PDE1C: variants seen among roughly 807,000 people sequenced by gnomAD.
PDE1C encodes dual specificity calcium/calmodulin-dependent 3',5'-cyclic nucleotide phosphodiesterase 1C.
PDE1C carries 62 observed loss-of-function variants against 93.1 expected under a neutral mutation model. The observed-to-expected ratio is 0.67, with a 90% CI of 0.54 to 0.82. The LOEUF (loss-of-function observed/expected upper bound fraction) is 0.82, where lower values mean the gene tolerates loss of function less well. PDE1C is among the 40% of genes least tolerant of loss of function. PDE1C has a pLI of 0.00. For missense variants in PDE1C, 742 were observed against 884.6 expected (o/e 0.84, Z 2.04); for synonymous variants, 325 against 310.1 (o/e 1.05, Z -0.50).
At chr7:31,920,064 C>A (rs572070911) in intron 2 of PDE1C, among the ~76,000 whole-genome samples, 11 of 152,268 alleles carry the variant, frequency 7.2e-5, no homozygotes, top group Non-Finnish European at 1.5e-4. Context: ...TGGAATCTGC[C>A]TGAAAAGCCC....
At chr7:32,387,662 G>A (rs1784660867) in intron 1 of PDE1C, among the ~76,000 whole-genome samples, 1 of 149,292 alleles carries the variant, frequency 6.7e-6, no homozygotes, top group African/African-American at 2.5e-5. Context: ...GGACGGGGCG[G>A]CTGGCCGGGC....
chr7:32,204,792 A>G (rs540501273), intron 2 of PDE1C, among the ~76,000 whole-genome samples: 93 of 152,280 alleles, frequency 6.1e-4, no homozygotes, highest in African/African-American at 2.2e-3. Context: ...ATTCACCTCC[A>G]CACCAGGCTG....
chr7:32,081,115 T>C (rs1796639182), intron 3 of PDE1C, among the ~76,000 whole-genome samples: 1 of 152,244 alleles, frequency 6.6e-6, no homozygotes. Context: ...AGGTGGACTC[T>C]CACACGTAGA....
At chr7:31,618,290 AAAGT>A in the PDE1C span, among the ~76,000 whole-genome samples, 1 of 152,166 alleles carries the variant, frequency 6.6e-6, no homozygotes, top group African/African-American at 2.4e-5. Flanking sequence ...TACCCCATAA[AAAGT>A]AATTAGGACT....
chr7:31,660,371 T>A, the PDE1C span, among the ~76,000 whole-genome samples: 6 of 152,242 alleles, frequency 3.9e-5, no homozygotes, highest in Non-Finnish European at 8.8e-5. Context: ...TATATCTATG[T>A]AAAGCTATGG....
intron 1 of PDE1C, among the ~76,000 whole-genome samples, chr7:32,373,621 A>G (rs1240276541): frequency 1.3e-5 from 2 of 152,228 alleles, no homozygotes; most frequent in African/African-American, 2.4e-5. Context: ...GAATTGTATG[A>G]TATGGTATGT....
At chr7:31,695,841 T>C in the PDE1C span, 1 of 372,872 alleles carries the variant, frequency 2.7e-6, no homozygotes, top group African/African-American at 2.1e-5. Flanking sequence ...TTTTTTTACC[T>C]ACCAATAGTG....
chr7:32,319,161 A>C (rs1330021992), intron 1 of PDE1C, among the ~76,000 whole-genome samples: 1 of 152,202 alleles, frequency 6.6e-6, no homozygotes, highest in Non-Finnish European at 1.5e-5. Context: ...CTTTCCGTAA[A>C]GAAACTAAAC....
intron 3 of PDE1C, among the ~76,000 whole-genome samples, chr7:32,138,031 G>A (rs997087637): frequency 6.6e-6 from 1 of 152,128 alleles, no homozygotes; most frequent in African/African-American, 2.4e-5. Context: ...AATTTAGCAT[G>A]GCCATTTGTC....
intron 2 of PDE1C, among the ~76,000 whole-genome samples, chr7:32,003,471 T>G (rs1023732941): frequency 6.6e-6 from 1 of 152,240 alleles, no homozygotes; most frequent in African/African-American, 2.4e-5. Flanking sequence ...AAACACTGTA[T>G]AGTACAATGC....
chr7:31,827,880 G>A (rs1789889762), intron 12 of PDE1C, among the ~76,000 whole-genome samples: 1 of 152,158 alleles, frequency 6.6e-6, no homozygotes, highest in Admixed American at 6.6e-5. Context: ...ATTCATGGAA[G>A]TAGATTCAAC....
At chr7:32,267,584 A>ACTCTCTCTCTCTCTCT (rs756476017) in intron 1 of PDE1C, among the ~76,000 whole-genome samples, 22 of 113,152 alleles carry the variant, frequency 1.9e-4, no homozygotes, top group African/African-American at 6.2e-4. Flanking sequence ...ACACACACAC[A>ACTCTCTCTCTCTCTCT]CACTCTCTCT....
At chr7:31,637,087 T>C in the PDE1C span, among the ~76,000 whole-genome samples, 1 of 152,104 alleles carries the variant, frequency 6.6e-6, no homozygotes, top group Non-Finnish European at 1.5e-5. Context: ...TATGGCTGCA[T>C]AGAATTCCAT....
intron 2 of PDE1C, among the ~76,000 whole-genome samples, chr7:31,962,934 T>G (rs776020287): frequency 2.0e-5 from 3 of 152,226 alleles, no homozygotes; most frequent in African/African-American, 7.2e-5. Flanking sequence ...AAGACACGTC[T>G]ACCTAGCCTG....
At chr7:32,412,307 T>C (rs993557257) in intron 1 of PDE1C, among the ~76,000 whole-genome samples, 3 of 151,552 alleles carry the variant, frequency 2.0e-5, no homozygotes, top group Non-Finnish European at 4.4e-5. Flanking sequence ...AATACAAAAA[T>C]TAGCCAGGCA....
chr7:31,888,036 C>T (rs543865379), intron 2 of PDE1C, among the ~76,000 whole-genome samples: 8 of 151,850 alleles, frequency 5.3e-5, no homozygotes, highest in South Asian at 2.1e-4. Context: ...AGGTGGATCA[C>T]GAGGTCAGGA....
At chr7:32,203,055 C>A (rs966439462) in intron 2 of PDE1C, among the ~76,000 whole-genome samples, 26 of 152,060 alleles carry the variant, frequency 1.7e-4, no homozygotes, top group African/African-American at 6.3e-4. Context: ...ATTAGTTTGA[C>A]TATTTTGCTT....
chr7:32,277,384 G>A (rs373638303), intron 1 of PDE1C, among the ~76,000 whole-genome samples: 6 of 152,290 alleles, frequency 3.9e-5, no homozygotes, highest in Admixed American at 2.0e-4. Context: ...AATTGCCAAT[G>A]GGCATTTAGA....
At chr7:31,809,130 A>G (rs759472366) in intron 15 of PDE1C, 22 bp from the exon 16 acceptor site, 4 of 1,353,492 alleles carry the variant, frequency 3.0e-6, no homozygotes, top group Non-Finnish European at 4.2e-6. Context: ...AAACATGACA[A>G]ACAGTATATG....
Sources: allele counts gnomAD v4.1 joint callset (sites outside exome capture counted in the v4.1 genomes callset), GRCh38; gene constraint gnomAD v4.1.1; transcripts MANE v1.5; gene names NCBI Gene and HGNC (gene_info 2026-07-23, HGNC 2026-07-21).